The following SLC35H1 variants were observed in gnomAD, a reference collection of about 807,000 sequenced individuals.
SLC35H1 encodes solute carrier family 35 member H1, also known as ovarian cancer-overexpressed gene 1 protein.
At chr20:46,358,664 C>G in the SLC35H1 span, 1 of 1,552,168 alleles carries the variant, frequency 6.4e-7, no homozygotes, top group Non-Finnish European at 8.7e-7. Flanking sequence ...TCGGAACCAT[C>G]AGCAGAGCCC....
the SLC35H1 span, among the ~76,000 whole-genome samples, chr20:46,359,288 G>C: frequency 6.6e-6 from 1 of 152,164 alleles, no homozygotes; most frequent in Non-Finnish European, 1.5e-5. Context: ...TCAGTCCCCT[G>C]AGATACATGT....
chr20:46,349,217 G>A, the SLC35H1 span: 45 of 150,318 alleles, frequency 3.0e-4, no homozygotes, highest in African/African-American at 1.0e-3. Flanking sequence ...CCCAAGGGCC[G>A]GGGGGGTCTC....
At chr20:46,354,959 T>C in the SLC35H1 span, 1 of 1,614,032 alleles carries the variant, frequency 6.2e-7, no homozygotes, top group Admixed American at 1.7e-5. Context: ...GATGGGATTC[T>C]GGAGGCCTGC....
chr20:46,357,506 C>G, the SLC35H1 span: 1 of 1,233,122 alleles, frequency 8.1e-7, no homozygotes, highest in Non-Finnish European at 1.1e-6. Flanking sequence ...AGAGGAGGAA[C>G]AGTGCAGGAA....
the SLC35H1 span, chr20:46,350,447 C>CCCGCTGGCTGCT: frequency 6.2e-7 from 1 of 1,613,736 alleles, no homozygotes; most frequent in Admixed American, 1.7e-5. Context: ...TCACCTTCCT[C>CCCGCTGGCTGCT]CCGCTGGCTG....
the SLC35H1 span, chr20:46,350,991 G>A: frequency 1.4e-6 from 2 of 1,476,732 alleles, no homozygotes; most frequent in Non-Finnish European, 1.9e-6. Context: ...CAGGTGGGCA[G>A]ATCAAGATCT....
the SLC35H1 span, among the ~76,000 whole-genome samples, chr20:46,362,663 C>T: frequency 4.7e-4 from 71 of 152,342 alleles, no homozygotes; most frequent in African/African-American, 1.7e-3. Flanking sequence ...GGACCCCGCA[C>T]TGCCAGTCCA....
the SLC35H1 span, chr20:46,355,067 G>A: frequency 1.9e-6 from 3 of 1,614,022 alleles, no homozygotes; most frequent in Non-Finnish European, 2.5e-6. This position sits in a 1 kb window ranked among gnomAD's most constrained non-coding sequence, Gnocchi z 4.8. Context: ...AGTGGCACGT[G>A]CTCACCGAGT....
the SLC35H1 span, chr20:46,349,828 G>T: frequency 5.4e-4 from 83 of 152,382 alleles, no homozygotes; most frequent in African/African-American, 1.9e-3. Context: ...GAAAATGAAG[G>T]AGGCCTGGCT....
the SLC35H1 span, chr20:46,354,952 G>A: frequency 1.2e-6 from 2 of 1,613,974 alleles, no homozygotes; most frequent in Admixed American, 1.7e-5. Flanking sequence ...TGGTGTCGAT[G>A]GGATTCTGGA....
At chr20:46,356,228 A>C in the SLC35H1 span, among the ~76,000 whole-genome samples, 1 of 152,194 alleles carries the variant, frequency 6.6e-6, no homozygotes, top group Admixed American at 6.5e-5. Context: ...TGTAGCCCCC[A>C]GGCCACATAG....
chr20:46,354,398 A>G, the SLC35H1 span, among the ~76,000 whole-genome samples: 1 of 152,162 alleles, frequency 6.6e-6, no homozygotes, highest in African/African-American at 2.4e-5. Flanking sequence ...TTACTCCAGC[A>G]TCTTGGAACA....
At chr20:46,360,705 C>A in the SLC35H1 span, among the ~76,000 whole-genome samples, 1 of 152,108 alleles carries the variant, frequency 6.6e-6, no homozygotes, top group African/African-American at 2.4e-5. Flanking sequence ...TGCACCACCA[C>A]ACCCGGCTAA....
chr20:46,361,024 G>GT, the SLC35H1 span, among the ~76,000 whole-genome samples: 2 of 152,194 alleles, frequency 1.3e-5, no homozygotes, highest in African/African-American at 2.4e-5. Flanking sequence ...AATGCCTTCT[G>GT]TAAGCTGATG....
the SLC35H1 span, chr20:46,356,743 G>A: frequency 2.8e-5 from 30 of 1,076,138 alleles, no homozygotes; most frequent in East Asian, 1.3e-4. Flanking sequence ...GAACCATCCC[G>A]GTGCCTCCTG....
chr20:46,360,455 A>G, the SLC35H1 span, among the ~76,000 whole-genome samples: 7 of 152,196 alleles, frequency 4.6e-5, no homozygotes, highest in South Asian at 2.1e-4. Context: ...TTCCAGCACT[A>G]TTGTGCCCAG....
At chr20:46,352,047 G>A in the SLC35H1 span, 2 of 1,614,030 alleles carry the variant, frequency 1.2e-6, no homozygotes, top group Non-Finnish European at 1.7e-6. Flanking sequence ...GCCCGAGTCT[G>A]TACCTTAAAA....
the SLC35H1 span, chr20:46,350,693 T>A: frequency 6.8e-7 from 1 of 1,478,830 alleles, no homozygotes; most frequent in Middle Eastern, 1.9e-4. Context: ...ACTTCCTGCA[T>A]CAGAATCACT....
chr20:46,354,186 G>A, the SLC35H1 span, among the ~76,000 whole-genome samples: 7 of 152,106 alleles, frequency 4.6e-5, no homozygotes, highest in African/African-American at 1.7e-4. Context: ...GCTGGCTCCT[G>A]GTCTTCAGCC....
Sources: allele counts gnomAD v4.1 joint callset (sites outside exome capture counted in the v4.1 genomes callset), GRCh38; gene constraint gnomAD v4.1.1; non-coding constraint Gnocchi (gnomAD v3.1); transcripts MANE v1.5; gene names NCBI Gene and HGNC (gene_info 2026-07-23, HGNC 2026-07-21).